The following TRAPPC9 variants were observed in gnomAD, a reference collection of about 807,000 sequenced individuals.
TRAPPC9 encodes IKK2 binding protein.
Under a neutral mutation model 124.0 loss-of-function variants are expected in TRAPPC9, and 83 were observed. The observed-to-expected ratio is 0.67, with a 90% CI of 0.56 to 0.80. TRAPPC9 has a LOEUF of 0.80. Among genes scored for constraint, TRAPPC9 ranks in the 30% least tolerant of loss-of-function variants. TRAPPC9 has a pLI of 0.00. For synonymous variants in TRAPPC9, 638 were observed against 617.5 expected (o/e 1.03, Z -0.49); for missense variants, 1,302 against 1,508.3 (o/e 0.86, Z 2.27).
intron 17 of TRAPPC9, among the ~76,000 whole-genome samples, chr8:140,183,061 T>C (rs1407934570): frequency 6.6e-6 from 1 of 152,216 alleles, no homozygotes; most frequent in Non-Finnish European, 1.5e-5. Flanking sequence ...ATTTGTCATA[T>C]TCTTCCTCCA....
At chr8:140,079,007 C>T (rs535556479) in intron 17 of TRAPPC9, among the ~76,000 whole-genome samples, 1 of 152,166 alleles carries the variant, frequency 6.6e-6, no homozygotes, top group East Asian at 1.9e-4. Context: ...ATGGGAGGGA[C>T]CCAGTGGGAG....
At chr8:140,186,764 T>C (rs2062363208) in intron 17 of TRAPPC9, among the ~76,000 whole-genome samples, 1 of 152,156 alleles carries the variant, frequency 6.6e-6, no homozygotes, top group Non-Finnish European at 1.5e-5. Flanking sequence ...CTTGACAGTG[T>C]GAGTGGGAAT....
At chr8:140,028,207 C>T (rs1340450746) in intron 17 of TRAPPC9, among the ~76,000 whole-genome samples, 1 of 152,096 alleles carries the variant, frequency 6.6e-6, no homozygotes. Context: ...TGGAAAGACA[C>T]AGGATGTCCA....
intron 17 of TRAPPC9, chr8:140,099,586 G>A (rs1239847809): frequency 2.6e-5 from 4 of 151,398 alleles, no homozygotes; most frequent in Non-Finnish European, 5.9e-5. Context: ...AGGTCTCAGT[G>A]CGCAGCTGCA....
chr8:140,200,821 C>G (rs1328560687), intron 17 of TRAPPC9, among the ~76,000 whole-genome samples: 1 of 152,164 alleles, frequency 6.6e-6, no homozygotes, highest in African/African-American at 2.4e-5. Flanking sequence ...GTTTAACTCA[C>G]AGTGACGCAC....
rs375568161 is a variant in TRAPPC9 at position 139,984,402 on chromosome 8, G to A, written c.2810+4324C>T. ...AGCCCATGCCCTCCCCACTCCAGAG[G>A]GCAGATCGCAGGCAAAAGAAGCTTC... On this transcript the variant is annotated intron_variant, in intron 19 of 22. Coordinates refer to ENST00000438773, the MANE Select transcript of TRAPPC9 (RefSeq NM_001160372.4). The surrounding 1 kb of genome is among the most constrained non-coding windows in gnomAD (Gnocchi z 4.3). Among the ~76,000 whole-genome samples, 110 of 152,170 alleles carry A rather than the reference G, an allele frequency of 7.2e-4. 1 individual carries two copies. The highest frequency in any genetic ancestry group is 2.5e-3 in the African/African-American group (103 of 41,512).
At chr8:140,024,937 A>C (rs13253400) in intron 17 of TRAPPC9, among the ~76,000 whole-genome samples, 8 of 151,884 alleles carry the variant, frequency 5.3e-5, no homozygotes, top group Non-Finnish European at 1.0e-4. Flanking sequence ...ATCCAAGAGA[A>C]GACTTCCCAG....
At chr8:140,435,338 G>A in intron 3 of TRAPPC9, 98 bp from the exon 4 acceptor site, 1 of 1,451,864 alleles carries the variant, frequency 6.9e-7, no homozygotes. Flanking sequence ...TCAAACTGCA[G>A]TAACTAACAA....
chr8:140,041,520 C>A (rs543613902), intron 17 of TRAPPC9, among the ~76,000 whole-genome samples: 2 of 152,386 alleles, frequency 1.3e-5, no homozygotes, highest in East Asian at 3.9e-4. Flanking sequence ...AGCCAACAGA[C>A]CATGGCCCTG....
intron 17 of TRAPPC9, among the ~76,000 whole-genome samples, chr8:140,131,050 A>G (rs1239832092): frequency 1.3e-5 from 2 of 152,224 alleles, no homozygotes; most frequent in African/African-American, 4.8e-5. Context: ...ATATTTTAAA[A>G]GGGTACTTTT....
chr8:140,193,122 A>G (rs1444079963), intron 17 of TRAPPC9, among the ~76,000 whole-genome samples: 1 of 152,240 alleles, frequency 6.6e-6, no homozygotes, highest in Admixed American at 6.5e-5. Context: ...CACTGGGGAA[A>G]GACAGGTTTC....
intron 21 of TRAPPC9, among the ~76,000 whole-genome samples, chr8:139,798,605 G>A (rs1823262885): frequency 6.6e-6 from 1 of 152,196 alleles, no homozygotes; most frequent in Non-Finnish European, 1.5e-5. Context: ...GCTTTCTCAG[G>A]ATCTGTGCTT....
chr8:140,166,346 C>A (rs2061837508), intron 17 of TRAPPC9, among the ~76,000 whole-genome samples: 1 of 152,152 alleles, frequency 6.6e-6, no homozygotes. Flanking sequence ...CCCTAACCCT[C>A]TAGGGTGCCA....
intron 1 of TRAPPC9, among the ~76,000 whole-genome samples, chr8:140,454,523 C>G (rs1236756649): frequency 1.3e-5 from 2 of 150,706 alleles, no homozygotes; most frequent in Non-Finnish European, 3.0e-5. Context: ...GCCTGTGATC[C>G]CAGCTACTCA....
chr8:140,408,253 C>A (rs11991544), intron 5 of TRAPPC9, among the ~76,000 whole-genome samples: 4,409 of 151,754 alleles, frequency 0.029, 211 homozygotes, highest in African/African-American at 0.095. Context: ...GGAGGAGAGA[C>A]AAAGAAAGAG....
intron 18 of TRAPPC9, among the ~76,000 whole-genome samples, chr8:139,999,916 T>C (rs1331986228): frequency 6.6e-6 from 1 of 152,204 alleles, no homozygotes; most frequent in Non-Finnish European, 1.5e-5. Context: ...GCTAAAGCAG[T>C]ACTTAGAGAA....
At position 140,087,484 on chromosome 8, in the gene TRAPPC9, C is replaced by T. The variant is rs892392560; in HGVS notation, c.2557-63405G>A. Among the ~76,000 whole-genome samples the T allele has an allele frequency of 2.0e-5, 3 of 152,234 alleles. No individual in the cohort carries two copies. The highest frequency in any genetic ancestry group is 4.4e-5 in the Non-Finnish European group (3 of 68,050). On this transcript the variant is annotated intron_variant, in intron 17 of 22. Transcript: ENST00000438773. This position sits in a 1 kb window ranked among gnomAD's most constrained non-coding sequence, Gnocchi z 4.6. ...AGCCGAACGGTGCTCACACATGACT[C>T]GCCTGAAGAATATGGTTGTGTTTTC...
Position 140,275,740 on chromosome 8 carries a change from C to T in TRAPPC9, c.2196G>A (p.Gln732=), listed in dbSNP as rs764694089. 1.8e-5 allele frequency: 29 copies of T among 1,613,700 alleles called. No individual in the cohort carries two copies. In the Admixed American group the frequency reaches 4.7e-4, roughly 26 times the overall value. ...TATTTTCCAATTTAATGATTAGTTG[C>T]TGACTTTCTCCATTGTAAAGCTGGA... The part of the protein sequence containing the change: ...VSVQLYNGES[Q]QLIIKLENIG... The change falls in exon 15 of 23, where the codon CAG becomes CAA. Residue 732 remains glutamine, a synonymous_variant. Transcript: ENST00000438773.
At chr8:139,987,669 T>C (rs1366531507) in intron 19 of TRAPPC9, among the ~76,000 whole-genome samples, 2 of 152,174 alleles carry the variant, frequency 1.3e-5, no homozygotes, top group African/African-American at 4.8e-5. Context: ...AATAAAAATA[T>C]TATTCCCTCT....
Sources: gnomAD v4.1 joint callset for allele counts (sites outside exome capture counted in the v4.1 genomes callset) on GRCh38, gnomAD v4.1.1 for gene constraint, Gnocchi (gnomAD v3.1) non-coding constraint, MANE v1.5 for transcripts, NCBI Gene and HGNC (gene_info 2026-07-23, HGNC 2026-07-21) for gene names.